The following DIAPH2 variants were observed in gnomAD, a reference collection of about 807,000 sequenced individuals.
DIAPH2 encodes diaphanous related formin 2.
In DIAPH2, 35 loss-of-function variants were observed where a neutral mutation model predicts 92.7. That is an observed-to-expected ratio of 0.38 (90% CI 0.29 to 0.50). The LOEUF (loss-of-function observed/expected upper bound fraction) is 0.50. Ranked by LOEUF, DIAPH2 falls within the 20% of genes least tolerant of loss-of-function variation. The pLI is 0.94. For synonymous variants in DIAPH2, 301 were observed against 280.4 expected, an observed-to-expected ratio of 1.07 and a Z score of -0.73; for missense variants, 701 against 819.5, an observed-to-expected ratio of 0.86 and a Z score of 1.77.
intron 26 of DIAPH2, among the ~76,000 whole-genome samples, chrX:97,549,585 T>A (rs1237665277): frequency 8.9e-6 from 1 of 111,963 alleles, no homozygotes; most frequent in Non-Finnish European, 1.9e-5. Flanking sequence ...TTCTTTTGTA[T>A]AATAGTACAT....
chrX:96,847,725 C>T lies in DIAPH2; in HGVS notation c.448-33854C>T, dbSNP rs147215184. Reference sequence around the variant, plus strand: ...GGGATCTGGTATACAGATTATTTTGCCACCCAGGTAATAAGCAGAGGACCT... The same window carrying T: ...GGGATCTGGTATACAGATTATTTTGTCACCCAGGTAATAAGCAGAGGACCT... On this transcript the variant is annotated intron_variant, in intron 4 of 26. Coordinates refer to ENST00000324765, the MANE Select transcript of DIAPH2 (RefSeq NM_006729.5). Among the ~76,000 whole-genome samples, 536 of 110,523 alleles carry T rather than the reference C, an allele frequency of 4.8e-3. 3 individuals carry two copies. The highest frequency in any genetic ancestry group is 0.017 in the African/African-American group (507 of 30,446).
At chrX:97,215,717 C>T (rs971363676) in intron 22 of DIAPH2, among the ~76,000 whole-genome samples, 1 of 111,443 alleles carries the variant, frequency 9.0e-6, no homozygotes, top group East Asian at 2.8e-4. Flanking sequence ...ACACTGCTAC[C>T]CTCTGCTGCC....
At chrX:96,867,678 A>T (rs774231045) in intron 4 of DIAPH2, among the ~76,000 whole-genome samples, 5 of 112,164 alleles carry the variant, frequency 4.5e-5, no homozygotes, top group African/African-American at 1.3e-4. Context: ...GCTATAGAAA[A>T]TAAACACATA....
At chrX:97,493,450 G>A (rs937346896) in intron 26 of DIAPH2, among the ~76,000 whole-genome samples, 13 of 110,449 alleles carry the variant, frequency 1.2e-4, no homozygotes, top group Admixed American at 8.6e-4. Flanking sequence ...TAGTAGAGAC[G>A]GGGTTTCTCC....
At chrX:97,011,891 CAAAAAAAAAA>C (rs1169242843) in intron 17 of DIAPH2, among the ~76,000 whole-genome samples, 10 of 32,201 alleles carry the variant, frequency 3.1e-4, no homozygotes, top group East Asian at 1.2e-3. Context: ...GACACTGTCT[CAAAAAAAAAA>C]AAAAAAAAAA....
chrX:97,306,643 C>T (rs2068749655), intron 23 of DIAPH2, among the ~76,000 whole-genome samples: 1 of 111,724 alleles, frequency 9.0e-6, no homozygotes. Flanking sequence ...TTTCCTTCTT[C>T]TCCACATGCC....
chrX:96,933,512 G>GTA (rs1442568956), intron 10 of DIAPH2, among the ~76,000 whole-genome samples: 19 of 102,475 alleles, frequency 1.9e-4, no homozygotes, highest in East Asian at 9.0e-4. Context: ...GTATATATAT[G>GTA]TATATATATA....
chrX:96,949,060 C>T (rs1472365640), intron 15 of DIAPH2, 21 bp downstream of exon 15: 2 of 1,047,695 alleles, frequency 1.9e-6, no homozygotes, highest in East Asian at 3.1e-5. Flanking sequence ...AAGATATAGA[C>T]TTTGTGTCAT....
intron 17 of DIAPH2, among the ~76,000 whole-genome samples, chrX:97,028,800 A>G (rs1408482857): frequency 1.8e-5 from 2 of 111,896 alleles, no homozygotes; most frequent in Non-Finnish European, 3.8e-5. Context: ...TGTCTTTTGA[A>G]TTCTACTGGG....
intron 17 of DIAPH2, among the ~76,000 whole-genome samples, chrX:97,070,061 A>G (rs930470724): frequency 4.5e-5 from 5 of 111,718 alleles, no homozygotes; most frequent in African/African-American, 1.3e-4. Flanking sequence ...ATCTTTAATA[A>G]TAATATAAAT....
intron 23 of DIAPH2, among the ~76,000 whole-genome samples, chrX:97,267,837 A>G (rs1328138019): frequency 9.0e-6 from 1 of 111,639 alleles, no homozygotes; most frequent in Non-Finnish European, 1.9e-5. Flanking sequence ...AATAGTACCC[A>G]CGTGACTTAT....
intron 4 of DIAPH2, among the ~76,000 whole-genome samples, chrX:96,765,822 C>A (rs750248193): frequency 1.8e-5 from 2 of 111,337 alleles, no homozygotes; most frequent in Non-Finnish European, 3.8e-5. Context: ...TGTCTTCTAT[C>A]TGCATAGGAA....
intron 4 of DIAPH2, among the ~76,000 whole-genome samples, chrX:96,827,743 G>A (rs1225885024): frequency 8.9e-6 from 1 of 112,220 alleles, no homozygotes; most frequent in Non-Finnish European, 1.9e-5. Flanking sequence ...TGCCGTCAGA[G>A]TGATGATGCC....
chrX:97,369,813 A>G (rs1227646283), intron 24 of DIAPH2, among the ~76,000 whole-genome samples: 2 of 111,643 alleles, frequency 1.8e-5, no homozygotes, highest in African/African-American at 6.5e-5. Context: ...AACCATCTTA[A>G]TCTACTTCTT....
intron 1 of DIAPH2, among the ~76,000 whole-genome samples, chrX:96,720,574 C>G (rs1275434919): frequency 9.0e-6 from 1 of 111,291 alleles, no homozygotes; most frequent in Non-Finnish European, 1.9e-5. Flanking sequence ...ATTAGCATAA[C>G]TTTGTATGTT....
At chrX:97,407,207 CT>C (rs1318452196) in intron 25 of DIAPH2, among the ~76,000 whole-genome samples, 1 of 111,558 alleles carries the variant, frequency 9.0e-6, no homozygotes, top group Non-Finnish European at 1.9e-5. Flanking sequence ...TAGAAGTAGG[CT>C]TTTCTATTAA....
At chrX:97,387,434 A>G (rs1484188549) in intron 25 of DIAPH2, among the ~76,000 whole-genome samples, 1 of 112,371 alleles carries the variant, frequency 8.9e-6, no homozygotes, top group Non-Finnish European at 1.9e-5. Flanking sequence ...CAAGTTTAAA[A>G]TCTGCAAGGC....
intron 22 of DIAPH2, among the ~76,000 whole-genome samples, chrX:97,238,833 T>C (rs898760318): frequency 8.9e-6 from 1 of 111,870 alleles, no homozygotes; most frequent in Admixed American, 9.6e-5. Flanking sequence ...TAATGTTCCT[T>C]TTCTTTTTTA....
chrX:97,560,158 C>T (rs1253924261), intron 26 of DIAPH2, among the ~76,000 whole-genome samples: 1 of 112,046 alleles, frequency 8.9e-6, no homozygotes, highest in Non-Finnish European at 1.9e-5. Flanking sequence ...CACCTCTCAT[C>T]TACATTTCTA....
Sources: allele counts gnomAD v4.1 joint callset (sites outside exome capture counted in the v4.1 genomes callset), GRCh38; gene constraint gnomAD v4.1.1; transcripts MANE v1.5; gene names NCBI Gene and HGNC (gene_info 2026-07-23, HGNC 2026-07-21).